Variants in PXDNL observed in about 807,000 individuals in gnomAD.
The protein encoded by PXDNL is probable oxidoreductase PXDNL.
Under a neutral mutation model 150.8 loss-of-function variants are expected in PXDNL, and 145 were observed. The observed-to-expected ratio is 0.96, with a 90% CI of 0.84 to 1.10. The LOEUF (loss-of-function observed/expected upper bound fraction) is 1.10. Ranked by LOEUF, PXDNL falls within the 50% of genes least tolerant of loss-of-function variation. The pLI is 0.00. For missense variants in PXDNL, 2,087 were observed against 1,873.9 expected (o/e 1.11, Z -2.10); for synonymous variants, 757 against 725.7 (o/e 1.04, Z -0.69).
At chr8:51,470,338 G>C (rs1810299003) in intron 8 of PXDNL, among the ~76,000 whole-genome samples, 1 of 151,974 alleles carries the variant, frequency 6.6e-6, no homozygotes, top group Non-Finnish European at 1.5e-5. Flanking sequence ...ACATGGCTGA[G>C]TTTCTGGCTA....
chr8:51,533,619 G>A (rs1197883344), intron 4 of PXDNL, among the ~76,000 whole-genome samples: 1 of 150,084 alleles, frequency 6.7e-6, no homozygotes, highest in Non-Finnish European at 1.5e-5. Context: ...TCAGCCTGCC[G>A]AGTGCCTGCG....
At position 51,710,874 on chromosome 8, in the gene PXDNL, C is replaced by T. The variant is rs561566088; in HGVS notation, c.165-56114G>A. ...TTAGATATAGAAGGCATGACCTCAA[C>T]ACAAAAAAGGCCATGTATGGCAAGC... is the stretch of plus-strand genomic sequence containing the variant. On this transcript the variant is annotated intron_variant, in intron 1 of 22. Transcript: ENST00000356297. Among the ~76,000 whole-genome samples, 179 of 152,236 alleles carry T rather than the reference C, an allele frequency of 1.2e-3. 1 individual carries two copies. The highest frequency in any genetic ancestry group is 4.1e-3 in the African/African-American group (169 of 41,554).
chr8:51,384,092 T>G (rs982951495), intron 17 of PXDNL, among the ~76,000 whole-genome samples: 2 of 152,170 alleles, frequency 1.3e-5, no homozygotes, highest in African/African-American at 4.8e-5. Flanking sequence ...CTGAGAGACA[T>G]CTGGATTTTC....
intron 4 of PXDNL, among the ~76,000 whole-genome samples, chr8:51,504,005 T>C (rs1811236182): frequency 6.6e-6 from 1 of 152,190 alleles, no homozygotes; most frequent in Non-Finnish European, 1.5e-5. Context: ...TCTCAATTTA[T>C]GGCACTGCTG....
intron 3 of PXDNL, among the ~76,000 whole-genome samples, chr8:51,569,929 A>G (rs1812898544): frequency 6.6e-6 from 1 of 151,960 alleles, no homozygotes; most frequent in South Asian, 2.1e-4. Flanking sequence ...TAATGCATTT[A>G]GATGTTTTAC....
At chr8:51,483,185 A>G (rs1810642269) in intron 6 of PXDNL, among the ~76,000 whole-genome samples, 1 of 152,224 alleles carries the variant, frequency 6.6e-6, no homozygotes, top group African/African-American at 2.4e-5. Context: ...TGGAGAACAC[A>G]GACCTTGCAA....
chr8:51,435,616 G>C (rs1809381698), intron 12 of PXDNL: 2 of 177,112 alleles, frequency 1.1e-5, no homozygotes, highest in African/African-American at 4.8e-5. Flanking sequence ...CGGCAACCAA[G>C]AGGAAACAGC....
chr8:51,587,637 A>G (rs1301395087), intron 3 of PXDNL, among the ~76,000 whole-genome samples: 2 of 152,204 alleles, frequency 1.3e-5, no homozygotes, highest in Admixed American at 1.3e-4. Context: ...TAATATAAAT[A>G]CTTGTAATCT....
chr8:51,781,380 A>C (rs7818832), intron 1 of PXDNL, among the ~76,000 whole-genome samples: 2 of 151,902 alleles, frequency 1.3e-5, no homozygotes, highest in African/African-American at 2.4e-5. Context: ...AGAATGAGTA[A>C]ACTTGCAGCC....
At chr8:51,800,778 T>C (rs1050337293) in intron 1 of PXDNL, among the ~76,000 whole-genome samples, 8 of 152,236 alleles carry the variant, frequency 5.3e-5, no homozygotes, top group Non-Finnish European at 1.2e-4. Context: ...TATAATTTCT[T>C]ATGCCTGTCT....
intron 4 of PXDNL, among the ~76,000 whole-genome samples, chr8:51,544,240 G>A (rs771823529): frequency 5.3e-5 from 8 of 152,132 alleles, no homozygotes; most frequent in Non-Finnish European, 1.2e-4. Context: ...CAAAATCTGG[G>A]GTGGAGGGTG....
chr8:51,486,753 TATATATATATATA>T (rs1293873611), intron 5 of PXDNL, among the ~76,000 whole-genome samples: 579 of 21,774 alleles, frequency 0.027, 15 homozygotes, highest in East Asian at 0.15. Context: ...AAAAAGTTTA[TATATATATATATA>T]TATATATATA....
intron 1 of PXDNL, among the ~76,000 whole-genome samples, chr8:51,683,164 C>CATATATATAT (rs71237228): frequency 0.075 from 3,299 of 44,260 alleles, 501 homozygotes; most frequent in East Asian, 0.12. Flanking sequence ...AATTGTCTTT[C>CATATATATAT]ATATATATAT....
chr8:51,570,877 A>G (rs1434427135), intron 3 of PXDNL, among the ~76,000 whole-genome samples: 4 of 151,896 alleles, frequency 2.6e-5, no homozygotes, highest in Non-Finnish European at 5.9e-5. Context: ...TAACTAAAAC[A>G]GATGATATAT....
intron 1 of PXDNL, among the ~76,000 whole-genome samples, chr8:51,755,316 CAG>C (rs2037088847): frequency 1.4e-5 from 2 of 146,760 alleles, no homozygotes; most frequent in Admixed American, 6.8e-5. Flanking sequence ...TTTTTTGAGA[CAG>C]AGTCTCGCTG....
At chr8:51,422,755 C>T (rs927872604) in intron 14 of PXDNL, among the ~76,000 whole-genome samples, 5 of 152,178 alleles carry the variant, frequency 3.3e-5, no homozygotes, top group African/African-American at 1.2e-4. Context: ...AACTCCTGAA[C>T]CCATTTGCAA....
intron 1 of PXDNL, among the ~76,000 whole-genome samples, chr8:51,805,218 A>G (rs1404076368): frequency 6.6e-6 from 1 of 152,028 alleles, no homozygotes; most frequent in Non-Finnish European, 1.5e-5. Flanking sequence ...CCAAGTGGTC[A>G]TTCAAAGCCA....
Position 51,372,206 on chromosome 8 carries a change from C to A in PXDNL, c.3693-125G>T, listed in dbSNP as rs1182981183. 3.4e-5 allele frequency: 22 copies of A among 645,252 alleles called. No homozygotes were observed. The Admixed American group carries it at 5.1e-4, about 15-fold the overall frequency. 40.0% of individuals were successfully genotyped at this position (645,252 alleles called of 1,614,324 possible). ...AAAGACGCATACTGAAAGAATTATG[C>A]TTGTTCTCCAACTGAGTATCCTTTT... On this transcript the variant is annotated intron_variant, in intron 18 of 22. Coordinates refer to ENST00000356297, the MANE Select transcript of PXDNL (RefSeq NM_144651.5).
chr8:51,772,053 A>C (rs2037301723), intron 1 of PXDNL, among the ~76,000 whole-genome samples: 1 of 152,012 alleles, frequency 6.6e-6, no homozygotes, highest in East Asian at 1.9e-4. Context: ...CTCTTCCTCC[A>C]TGCCCACACC....
Sources: gnomAD v4.1 joint callset for allele counts (sites outside exome capture counted in the v4.1 genomes callset) on GRCh38, gnomAD v4.1.1 for gene constraint, MANE v1.5 for transcripts, NCBI Gene and HGNC (gene_info 2026-07-23, HGNC 2026-07-21) for gene names.